Variants in PHF24 observed in about 807,000 individuals in gnomAD.
The protein encoded by PHF24 is PHD finger protein 24, also known as Galpha inhibitory interacting protein.
PHF24 carries 25 observed loss-of-function variants against 42.6 expected under a neutral mutation model. The ratio of observed to expected loss-of-function variants is 0.59; its 90% CI spans 0.43 to 0.82. PHF24 has a LOEUF of 0.82. Among genes scored for constraint, PHF24 ranks in the 40% least tolerant of loss-of-function variants. The pLI, the probability that PHF24 is intolerant of heterozygous loss-of-function variation, is 0.00. For missense variants in PHF24, 470 were observed against 538.1 expected, an observed-to-expected ratio of 0.87 and a Z score of 1.25; for synonymous variants, 185 against 204.8, an observed-to-expected ratio of 0.90 and a Z score of 0.83.
At chr9:34,854,126 T>A in the PHF24 span, among the ~76,000 whole-genome samples, 3 of 151,936 alleles carry the variant, frequency 2.0e-5, no homozygotes, top group Admixed American at 2.0e-4. Context: ...TGGTGATATC[T>A]CCTTTATCAT....
At chr9:34,689,703 G>A in the PHF24 span, 1 of 1,231,400 alleles carries the variant, frequency 8.1e-7, no homozygotes, top group Non-Finnish European at 1.2e-6. This position sits in a 1 kb window ranked among gnomAD's most constrained non-coding sequence, Gnocchi z 4.1. Context: ...GGCTGGTCAG[G>A]TCTGGTGCAG....
the PHF24 span, among the ~76,000 whole-genome samples, chr9:34,783,415 T>A: frequency 2.0e-5 from 3 of 152,208 alleles, no homozygotes; most frequent in African/African-American, 7.2e-5. Context: ...TGTCTTCACA[T>A]CCCAAGACTT....
the PHF24 span, among the ~76,000 whole-genome samples, chr9:34,893,530 G>A: frequency 6.6e-6 from 1 of 151,938 alleles, no homozygotes; most frequent in Admixed American, 6.5e-5. Context: ...GAACCTGGGA[G>A]ACGGAGCTTG....
chr9:34,885,301 G>A, the PHF24 span, among the ~76,000 whole-genome samples: 379 of 152,260 alleles, frequency 2.5e-3, 2 homozygotes, highest in South Asian at 0.01. Flanking sequence ...TCCTATCTGG[G>A]CTTTCTGCAT....
chr9:34,673,353 CAA>C, the PHF24 span, among the ~76,000 whole-genome samples: 82,051 of 147,248 alleles, frequency 0.56, 22,929 homozygotes, highest in East Asian at 0.8. Flanking sequence ...GACTCTATTT[CAA>C]AAAAAAAAAA....
At chr9:34,726,153 A>C in the PHF24 span, 21 of 1,291,564 alleles carry the variant, frequency 1.6e-5, no homozygotes, top group East Asian at 2.6e-5. Flanking sequence ...CCAGCCACAC[A>C]TGAACACCAG....
chr9:34,773,177 A>G, the PHF24 span, among the ~76,000 whole-genome samples: 1 of 152,096 alleles, frequency 6.6e-6, no homozygotes, highest in Non-Finnish European at 1.5e-5. Flanking sequence ...TTTAGTAGAG[A>G]TGGGGTTTCT....
upstream of PHF24, among the ~76,000 whole-genome samples, chr9:34,956,544 G>A (rs1826377664): frequency 6.6e-6 from 1 of 152,132 alleles, no homozygotes; most frequent in South Asian, 2.1e-4. Context: ...GAGCCACCAC[G>A]CCTGGCCACA....
At chr9:34,808,697 A>G in the PHF24 span, among the ~76,000 whole-genome samples, 1 of 152,042 alleles carries the variant, frequency 6.6e-6, no homozygotes, top group Non-Finnish European at 1.5e-5. Flanking sequence ...GCTGTTTTTC[A>G]CATGGCAGAG....
At chr9:34,931,636 C>T in the PHF24 span, among the ~76,000 whole-genome samples, 12 of 152,146 alleles carry the variant, frequency 7.9e-5, no homozygotes, top group African/African-American at 2.7e-4. Flanking sequence ...CCTTCTTTCC[C>T]GGTCCTGCTG....
the PHF24 span, among the ~76,000 whole-genome samples, chr9:34,900,234 G>GAGA: frequency 0.2 from 30,646 of 151,996 alleles, 3,403 homozygotes; most frequent in East Asian, 0.48. Context: ...GGAAAAAAGA[G>GAGA]AGACCAATGA....
the PHF24 span, among the ~76,000 whole-genome samples, chr9:34,673,804 G>A: frequency 6.6e-6 from 1 of 152,100 alleles, no homozygotes; most frequent in African/African-American, 2.4e-5. Flanking sequence ...TGTATTTTTA[G>A]TAGAGACGGG....
the PHF24 span, chr9:34,710,007 C>G: frequency 1.9e-6 from 3 of 1,614,100 alleles, no homozygotes; most frequent in East Asian, 2.2e-5. Context: ...TACCTTGGGT[C>G]CTGGGGATGC....
rs1362170891 is a variant in PHF24 at position 34,958,898 on chromosome 9, C to G, written c.-5+497C>G. Among the ~76,000 whole-genome samples the G allele has an allele frequency of 1.3e-5, 2 of 152,182 alleles. No individual in the cohort carries two copies. The highest frequency in any genetic ancestry group is 4.8e-5 in the African/African-American group (2 of 41,440). On this transcript the variant is annotated intron_variant, in intron 1 of 7. Coordinates refer to ENST00000242315, the Ensembl canonical transcript of PHF24. This position sits in a 1 kb window ranked among gnomAD's most constrained non-coding sequence, Gnocchi z 4.5. ...GGGGAGGGGGATCCTCCCATGGGAT[C>G]CATGAGTGACTTCCCACGGCTCCAA...
At chr9:34,827,391 T>C in the PHF24 span, among the ~76,000 whole-genome samples, 5 of 152,308 alleles carry the variant, frequency 3.3e-5, no homozygotes, top group East Asian at 9.6e-4. Context: ...TTCTCCATCC[T>C]GGAGACCATC....
the PHF24 span, among the ~76,000 whole-genome samples, chr9:34,936,530 A>G: frequency 2.4e-5 from 3 of 127,542 alleles, no homozygotes; most frequent in African/African-American, 9.1e-5. Context: ...CTGGCCGCCC[A>G]TCGTCTGGGA....
the PHF24 span, among the ~76,000 whole-genome samples, chr9:34,749,374 C>A: frequency 2.6e-5 from 4 of 152,050 alleles, no homozygotes; most frequent in African/African-American, 9.7e-5. Context: ...GAATACCAAG[C>A]AAATTTAACC....
chr9:34,923,420 T>G, the PHF24 span, among the ~76,000 whole-genome samples: 1 of 152,222 alleles, frequency 6.6e-6, no homozygotes, highest in East Asian at 1.9e-4. Context: ...CTTCTTTAAA[T>G]GTTTGGTAAA....
chr9:34,790,803 C>T, the PHF24 span, among the ~76,000 whole-genome samples: 2 of 152,182 alleles, frequency 1.3e-5, no homozygotes, highest in South Asian at 4.2e-4. Flanking sequence ...TCAGCAGAGA[C>T]CTAAGTGGAG....
Sources: gnomAD v4.1 joint callset for allele counts (sites outside exome capture counted in the v4.1 genomes callset) on GRCh38, gnomAD v4.1.1 for gene constraint, Gnocchi (gnomAD v3.1) non-coding constraint, MANE v1.5 for transcripts, NCBI Gene and HGNC (gene_info 2026-07-23, HGNC 2026-07-21) for gene names.